The following SAMM50 variants were observed in gnomAD, a reference collection of about 807,000 sequenced individuals.
SAMM50 encodes the protein SAMM50 sorting and assembly machinery component.
Under a neutral mutation model 66.9 loss-of-function variants are expected in SAMM50, and 47 were observed. The observed-to-expected ratio is 0.70, with a 90% CI of 0.56 to 0.90. The LOEUF (loss-of-function observed/expected upper bound fraction) is 0.90. Among genes scored for constraint, SAMM50 ranks in the 40% least tolerant of loss-of-function variants. The pLI is 0.00. For missense variants in SAMM50, 535 were observed against 595.3 expected (o/e 0.90, Z 1.05); for synonymous variants, 191 against 214.1 (o/e 0.89, Z 0.94).
rs5764434 is a variant in SAMM50, at chr22:43,968,714, C to T, written c.235-17C>T. ...GTAGAAGAATATATTCCTTGTTTTT[C>T]TTCCCCCATTTTATAGGTAATGCGG... is the stretch of plus-strand genomic sequence containing the variant. On this transcript the variant is annotated splice_polypyrimidine_tract_variant and intron_variant, in intron 3 of 14. Transcript: ENST00000350028. 925,320 of 1,563,522 alleles carry T rather than the reference C, an allele frequency of 0.59. 277,586 individuals are homozygous for T. Among genetic ancestry groups the T allele is most frequent in the East Asian group, 0.84 (37,545 of 44,592 alleles).
At position 43,955,538 on chromosome 22, in the gene SAMM50, G is replaced by A; in HGVS notation, c.-40G>A. ...CCCTCAGCAGCAGACGCTCTGTCCC[G>A]CCCGGGCAGCTCTGCGAGGCAGCGG... On this transcript the variant is annotated 5_prime_UTR_variant, in exon 1 of 15. Transcript: ENST00000350028. 6.3e-7 allele frequency: 1 copy of A among 1,589,190 alleles called. No individual in the cohort carries two copies. Among genetic ancestry groups the A allele is most frequent in the Non-Finnish European group, 8.6e-7 (1 of 1,168,546 alleles).
intron 10 of SAMM50, among the ~76,000 whole-genome samples, chr22:43,978,496 C>A (rs1169275042): frequency 1.3e-5 from 2 of 150,676 alleles, no homozygotes; most frequent in Non-Finnish European, 2.9e-5. Context: ...TGAGAGAGCC[C>A]CTCCCCGTTT....
chr22:43,976,205 A>C (rs1569030276), intron 8 of SAMM50, 22 bp downstream of exon 8: 1 of 1,591,502 alleles, frequency 6.3e-7, no homozygotes, highest in Non-Finnish European at 8.6e-7. Flanking sequence ...TCTTAGTTGG[A>C]GTAAATAATT....
intron 4 of SAMM50, among the ~76,000 whole-genome samples, chr22:43,970,897 T>C (rs1179969304): frequency 6.6e-6 from 1 of 151,828 alleles, no homozygotes; most frequent in African/African-American, 2.4e-5. Context: ...CCAGGCGGGG[T>C]GGCTCACGCC....
intron 13 of SAMM50, 129 bp downstream of exon 13, chr22:43,989,386 G>C (rs2050311201): frequency 1.1e-6 from 1 of 949,352 alleles, no homozygotes; most frequent in Admixed American, 2.8e-5. Flanking sequence ...TGCCAGGCTG[G>C]AGTGCAGTGG....
chr22:43,959,734 G>A (rs942265609), intron 1 of SAMM50, among the ~76,000 whole-genome samples: 26 of 152,120 alleles, frequency 1.7e-4, no homozygotes, highest in African/African-American at 6.3e-4. Context: ...TCTAGGCATA[G>A]AATTTATGGG....
intron 8 of SAMM50, 49 bp downstream of exon 8, chr22:43,976,232 G>T (rs756200153): frequency 6.4e-7 from 1 of 1,573,166 alleles, no homozygotes; most frequent in East Asian, 2.3e-5. Flanking sequence ...ATGGAACCAT[G>T]CTATGCATTG....
At chr22:43,979,809 CT>C (rs900598738) in intron 10 of SAMM50, among the ~76,000 whole-genome samples, 1 of 152,036 alleles carries the variant, frequency 6.6e-6, no homozygotes, top group East Asian at 1.9e-4. Flanking sequence ...TGTGGAAATA[CT>C]TTTTGTTTCC....
In SAMM50 at chr22:43,996,485, C is replaced by T. The variant is rs2050356047; in HGVS notation, c.*102C>T. On this transcript the variant is annotated 3_prime_UTR_variant, in exon 15 of 15. Transcript: ENST00000350028. Reference sequence around the variant, plus strand: ...ACGCGGTTCAGCGATTCTTTGACTGCGGACCCTGTGGGAAACCCCGTCAAT... The same window carrying T: ...ACGCGGTTCAGCGATTCTTTGACTGTGGACCCTGTGGGAAACCCCGTCAAT... 13 of 1,111,410 alleles carry T rather than the reference C, an allele frequency of 1.2e-5. No homozygotes were observed. Among genetic ancestry groups the T allele is most frequent in the Admixed American group, 1.7e-5 (1 of 58,256 alleles). The allele number at this position is 1,111,410 out of a possible 1,614,324, so 68.8% of individuals were successfully genotyped here. A position where few individuals can be genotyped will look rare whatever the true frequency, so the allele number is the denominator to read the frequency against.
chr22:43,977,859 T>C lies in SAMM50; in HGVS notation c.850-13T>C, dbSNP rs2050241024. On this transcript the variant is annotated splice_polypyrimidine_tract_variant and intron_variant, in intron 9 of 14. Coordinates refer to ENST00000350028, the MANE Select transcript of SAMM50 (RefSeq NM_015380.5). ...TGTTTGCTCCCTTTGACCTGAGTGCTCCTTCCCTGCAGGAACTGGCAGGCT... is the reference window on the plus strand; with the variant it reads ...TGTTTGCTCCCTTTGACCTGAGTGCCCCTTCCCTGCAGGAACTGGCAGGCT... The C allele has an allele frequency of 6.2e-7, 1 of 1,605,716 alleles. No individual in the cohort carries two copies. Among genetic ancestry groups the C allele is most frequent in the Non-Finnish European group, 8.5e-7 (1 of 1,172,650 alleles).
intron 1 of SAMM50, among the ~76,000 whole-genome samples, chr22:43,961,861 G>T (rs1019933484): frequency 6.6e-6 from 1 of 151,994 alleles, no homozygotes; most frequent in Admixed American, 6.6e-5. Context: ...GGGATTACAG[G>T]TGTGACCCAC....
At chr22:43,971,024 A>G (rs2050200871) in intron 4 of SAMM50, among the ~76,000 whole-genome samples, 1 of 151,972 alleles carries the variant, frequency 6.6e-6, no homozygotes, top group Non-Finnish European at 1.5e-5. Flanking sequence ...AAATATTGGC[A>G]GAGTGTGGCG....
chr22:43,982,510 C>A (rs1312758554), intron 11 of SAMM50, among the ~76,000 whole-genome samples: 1 of 152,206 alleles, frequency 6.6e-6, no homozygotes, highest in Non-Finnish European at 1.5e-5. Context: ...AAGCCAGCCA[C>A]CAAAACAGTG....
chr22:43,993,746 C>G (rs2050338122), intron 14 of SAMM50, among the ~76,000 whole-genome samples: 1 of 152,116 alleles, frequency 6.6e-6, no homozygotes, highest in African/African-American at 2.4e-5. Context: ...GTGAGGTTGC[C>G]AGATTTAATC....
At position 43,972,204 on chromosome 22, in the gene SAMM50, G is replaced by T. The variant is rs757318655; in HGVS notation, c.323-32G>T. On this transcript the variant is annotated intron_variant, in intron 4 of 14. Transcript: ENST00000350028. Reference sequence around the variant, plus strand: ...GAACCCAAAGTAAAATAACATCCTGGCTGTCTTATTGTTTAATATTTTTTT... The same window carrying T: ...GAACCCAAAGTAAAATAACATCCTGTCTGTCTTATTGTTTAATATTTTTTT... 18 of 1,354,024 alleles carry T rather than the reference G, an allele frequency of 1.3e-5. No individual in the cohort carries two copies. The East Asian group carries it at 4.1e-4, about 31-fold the overall frequency. 83.9% of individuals were successfully genotyped at this position (1,354,024 alleles called of 1,614,324 possible).
intron 5 of SAMM50, 55 bp from the exon 6 acceptor site, chr22:43,972,816 A>T (rs767764343): frequency 1.2e-4 from 180 of 1,522,948 alleles, no homozygotes; most frequent in Non-Finnish European, 1.6e-4. Context: ...ATCCAATCCA[A>T]AGTTCTCATT....
At chr22:43,989,339 CT>C (rs34147065) in intron 13 of SAMM50, 82 bp downstream of exon 13, 99,885 of 971,502 alleles carry the variant, frequency 0.1, 1 homozygote, top group Non-Finnish European at 0.11. Flanking sequence ...AGGTGTCTGT[CT>C]TTTTTTTTTT....
rs1030239188 is a variant in SAMM50, at chr22:43,983,291, A to G, written c.1008-642A>G. ...TTAAATTCATTTTTTAGTAATTATC[A>G]TAATCTAAAATCGGGTTCTAATATG... On this transcript the variant is annotated intron_variant, in intron 11 of 14. Coordinates refer to ENST00000350028, the MANE Select transcript of SAMM50 (RefSeq NM_015380.5). The surrounding 1 kb of genome is among the most constrained non-coding windows in gnomAD (Gnocchi z 4.2). Among the ~76,000 whole-genome samples the G allele has an allele frequency of 1.3e-5, 2 of 152,202 alleles. No individual in the cohort carries two copies. The highest frequency in any genetic ancestry group is 4.8e-5 in the African/African-American group (2 of 41,442).
At chr22:43,966,116 A>C (rs547181877) in intron 3 of SAMM50, among the ~76,000 whole-genome samples, 4 of 152,354 alleles carry the variant, frequency 2.6e-5, no homozygotes, top group Non-Finnish European at 5.9e-5. Context: ...CTGGGATTAC[A>C]GCATGAGCCA....
Sources: gnomAD v4.1 joint callset for allele counts (sites outside exome capture counted in the v4.1 genomes callset) on GRCh38, gnomAD v4.1.1 for gene constraint, Gnocchi (gnomAD v3.1) non-coding constraint, MANE v1.5 for transcripts, NCBI Gene and HGNC (gene_info 2026-07-23, HGNC 2026-07-21) for gene names.